Variants in CCDC3 observed in about 807,000 individuals in gnomAD.
CCDC3 encodes coiled-coil domain-containing protein 3.
Under a neutral mutation model 21.4 loss-of-function variants are expected in CCDC3, and 24 were observed. The ratio of observed to expected loss-of-function variants is 1.12; its 90% CI spans 0.81 to 1.58. CCDC3 has a LOEUF of 1.58. Among genes scored for constraint, CCDC3 ranks in the 40% most tolerant of loss-of-function variants. The pLI, the probability that CCDC3 is intolerant of heterozygous loss-of-function variation, is 0.00. For synonymous variants in CCDC3, 186 were observed against 166.0 expected, an observed-to-expected ratio of 1.12 and a Z score of -0.93; for missense variants, 425 against 360.9, an observed-to-expected ratio of 1.18 and a Z score of -1.44.
chr10:12,980,077 T>C (rs1835472915), intron 2 of CCDC3, among the ~76,000 whole-genome samples: 1 of 152,232 alleles, frequency 6.6e-6, no homozygotes, highest in Non-Finnish European at 1.5e-5. Flanking sequence ...AGGGTTCGAC[T>C]AGGCAATCTC....
chr10:12,971,316 C>T (rs562687222), intron 2 of CCDC3, among the ~76,000 whole-genome samples: 2 of 152,200 alleles, frequency 1.3e-5, no homozygotes, highest in Admixed American at 1.3e-4. Context: ...TCTATCCTTT[C>T]GGAAAGGAAT....
intron 2 of CCDC3, among the ~76,000 whole-genome samples, chr10:12,943,406 T>C (rs183978662): frequency 1.3e-5 from 2 of 152,244 alleles, no homozygotes; most frequent in Non-Finnish European, 2.9e-5. Flanking sequence ...AGTGAGGGTA[T>C]GAGAATCCTC....
At chr10:12,943,837 T>C (rs549980126) in intron 2 of CCDC3, among the ~76,000 whole-genome samples, 27 of 152,302 alleles carry the variant, frequency 1.8e-4, no homozygotes, top group African/African-American at 6.0e-4. Context: ...TCTTTCTCTC[T>C]ATTAAACCTC....
intron 5 of CCDC3, among the ~76,000 whole-genome samples, chr10:13,007,080 C>T (rs936998826): frequency 1.5e-4 from 23 of 152,128 alleles, no homozygotes; most frequent in African/African-American, 5.3e-4. Context: ...TCGATGGCAT[C>T]ATCCTGTACT....
chr10:13,072,858 CTT>C (rs1482745185), intron 4 of CCDC3, among the ~76,000 whole-genome samples: 2 of 96,730 alleles, frequency 2.1e-5, no homozygotes, highest in Non-Finnish European at 2.0e-5. Flanking sequence ...CTTTTCTTTT[CTT>C]TTCTTTCTTT....
In CCDC3 at chr10:12,947,593, A is replaced by G. The variant is rs1414043019; in HGVS notation, c.550-48914T>C. Among the ~76,000 whole-genome samples the G allele has an allele frequency of 2.0e-5, 3 of 152,204 alleles. No individual in the cohort carries two copies. In the East Asian group the frequency reaches 5.8e-4, roughly 29 times the overall value. On this transcript the variant is annotated intron_variant, in intron 2 of 2. Coordinates refer to ENST00000378825, the MANE Select transcript of CCDC3 (RefSeq NM_031455.4). The stretch of plus-strand genomic sequence containing the variant: ...ACCCTATATGGTGTTTTATATTTTC[A>G]AGTAGATTATACACTCCCTGTGGAC...
chr10:12,914,344 G>A (rs1401066652), intron 2 of CCDC3, among the ~76,000 whole-genome samples: 1 of 152,074 alleles, frequency 6.6e-6, no homozygotes, highest in African/African-American at 2.4e-5. Flanking sequence ...TTTCTTGTAA[G>A]TTATCTAATT....
At chr10:12,913,773 G>C (rs1263085941) in intron 2 of CCDC3, among the ~76,000 whole-genome samples, 1 of 152,150 alleles carries the variant, frequency 6.6e-6, no homozygotes, top group Non-Finnish European at 1.5e-5. Flanking sequence ...CTAATTTGTT[G>C]AAAGTTTTTT....
At chr10:13,089,209 CTTTA>C (rs1455035630) in intron 3 of CCDC3, among the ~76,000 whole-genome samples, 2 of 152,008 alleles carry the variant, frequency 1.3e-5, no homozygotes, top group African/African-American at 2.4e-5. Context: ...AAAGTAGTAA[CTTTA>C]TTTGTTTAAC....
chr10:12,945,431 C>G (rs1834900890), intron 2 of CCDC3, among the ~76,000 whole-genome samples: 1 of 151,580 alleles, frequency 6.6e-6, no homozygotes, highest in Admixed American at 6.6e-5. Flanking sequence ...AAAAAAACCC[C>G]GAATGGATAT....
Position 13,001,603 on chromosome 10 carries a change from C to G in CCDC3, c.-33G>C. The stretch of plus-strand genomic sequence containing the variant: ...CCTCCCGGGGCGCACGGGGCGGCGG[C>G]GGGGAGCCCGGGGAGCCCGCCGGCC... On this transcript the variant is annotated 5_prime_UTR_variant, in exon 1 of 3. Coordinates refer to ENST00000378825, the MANE Select transcript of CCDC3 (RefSeq NM_031455.4). The G allele has an allele frequency of 9.0e-7, 1 of 1,108,468 alleles. No individual in the cohort carries two copies. Among genetic ancestry groups the G allele is most frequent in the Non-Finnish European group, 1.1e-6 (1 of 909,868 alleles). 68.7% of individuals were successfully genotyped at this position (1,108,468 alleles called of 1,614,324 possible).
chr10:12,927,541 A>C (rs199943327), intron 2 of CCDC3, among the ~76,000 whole-genome samples: 2 of 152,310 alleles, frequency 1.3e-5, no homozygotes, highest in East Asian at 3.9e-4. Context: ...TTGTAAAGCC[A>C]CTGATTTCTT....
intron 2 of CCDC3, among the ~76,000 whole-genome samples, chr10:12,920,313 T>G (rs1322442343): frequency 3.3e-5 from 5 of 152,128 alleles, no homozygotes; most frequent in Non-Finnish European, 7.3e-5. Context: ...GTCCCTATGA[T>G]TCAATTATCT....
chr10:12,946,962 G>C (rs548777986), intron 2 of CCDC3, among the ~76,000 whole-genome samples: 1 of 152,096 alleles, frequency 6.6e-6, no homozygotes, highest in Non-Finnish European at 1.5e-5. Flanking sequence ...ATAGAAAACC[G>C]AACGGAAAAG....
At chr10:13,013,930 C>A (rs1243280180) in intron 5 of CCDC3, among the ~76,000 whole-genome samples, 1 of 151,956 alleles carries the variant, frequency 6.6e-6, no homozygotes, top group Non-Finnish European at 1.5e-5. Flanking sequence ...GCAGGGGGAT[C>A]ACTTGAGGTC....
intron 2 of CCDC3, among the ~76,000 whole-genome samples, chr10:12,992,919 C>A (rs974495287): frequency 6.6e-6 from 1 of 152,192 alleles, no homozygotes; most frequent in Admixed American, 6.5e-5. Flanking sequence ...AGAGACCCCA[C>A]GTGAGTGTGT....
rs1417519326 is a variant in CCDC3, at chr10:12,902,785, T to A, written c.550-4106A>T. 2.6e-5 allele frequency among the ~76,000 whole-genome samples: 4 copies of A among 151,692 alleles called. No homozygotes were observed. In the East Asian group the frequency reaches 7.7e-4, roughly 29 times the overall value. ...AGCCCTCGACCATGGACACAGCTGT[T>A]CTCCAGGCTAGCAAGAGGATGAATT... On this transcript the variant is annotated intron_variant, in intron 2 of 2. Transcript: ENST00000378825.
chr10:13,007,561 G>A (rs920213649), intron 5 of CCDC3, among the ~76,000 whole-genome samples: 1 of 152,044 alleles, frequency 6.6e-6, no homozygotes, highest in Non-Finnish European at 1.5e-5. Flanking sequence ...GTGTGTACCT[G>A]TCTCCCGGAA....
chr10:13,039,993 C>G (rs1295524248), intron 5 of CCDC3, among the ~76,000 whole-genome samples: 1 of 151,858 alleles, frequency 6.6e-6, no homozygotes, highest in Non-Finnish European at 1.5e-5. Flanking sequence ...TCTCTGGCAT[C>G]CTCCCAGCTT....
Sources: allele counts gnomAD v4.1 joint callset (sites outside exome capture counted in the v4.1 genomes callset), GRCh38; gene constraint gnomAD v4.1.1; transcripts MANE v1.5; gene names NCBI Gene and HGNC (gene_info 2026-07-23, HGNC 2026-07-21).